Variants in RCOR1 observed in about 807,000 individuals in gnomAD.
The protein encoded by RCOR1 is REST corepressor 1, also known as REST corepressor.
Under a neutral mutation model 64.0 loss-of-function variants are expected in RCOR1, and 12 were observed. That is an observed-to-expected ratio of 0.19 (90% confidence interval 0.12 to 0.30). The LOEUF is 0.30. RCOR1 is among the 10% of genes least tolerant of loss of function. The probability of loss-of-function intolerance (pLI) is 1.00; values close to 1 mark genes in which losing one functional copy is unlikely to be tolerated. For synonymous variants in RCOR1, 279 were observed against 227.2 expected (o/e 1.23, Z -2.05); for missense variants, 502 against 621.2 (o/e 0.81, Z 2.04).
intron 4 of RCOR1, among the ~76,000 whole-genome samples, chr14:102,702,755 AGT>A (rs933018858): frequency 2.4e-4 from 37 of 152,320 alleles, no homozygotes; most frequent in African/African-American, 8.2e-4. Context: ...CCTGAGGAAG[AGT>A]GTGATTATGA....
chr14:102,665,311 CTTTTT>C (rs35214723), intron 2 of RCOR1, among the ~76,000 whole-genome samples: 1 of 132,032 alleles, frequency 7.6e-6, no homozygotes, highest in East Asian at 2.2e-4. Flanking sequence ...GGCCTCAACA[CTTTTT>C]TTTTTTTTTT....
chr14:102,673,380 A>T (rs1360029063), intron 2 of RCOR1, among the ~76,000 whole-genome samples: 1 of 144,924 alleles, frequency 6.9e-6, no homozygotes, highest in Non-Finnish European at 1.5e-5. Flanking sequence ...TCTGTGGCCC[A>T]GGCTGGAGTG....
chr14:102,722,500 A>G (rs1896185217), intron 11 of RCOR1, 84 bp downstream of exon 11: 2 of 1,164,824 alleles, frequency 1.7e-6, no homozygotes, highest in East Asian at 2.4e-5. Context: ...TTTTTCAGCT[A>G]TAGAGATTTT....
chr14:102,653,983 C>CTTTCTTTCTTTCT (rs1334055763), intron 2 of RCOR1, among the ~76,000 whole-genome samples: 28 of 33,164 alleles, frequency 8.4e-4, no homozygotes, highest in Non-Finnish European at 8.7e-4. Flanking sequence ...TTCTTTCTTT[C>CTTTCTTTCTTTCT]TTTTTTTTTT....
chr14:102,675,359 C>G (rs1455246286), intron 2 of RCOR1, among the ~76,000 whole-genome samples: 1 of 152,018 alleles, frequency 6.6e-6, no homozygotes, highest in Admixed American at 6.6e-5. Flanking sequence ...GCATACATAC[C>G]TATGATAAAG....
chr14:102,622,141 A>G (rs1893887370), intron 2 of RCOR1, among the ~76,000 whole-genome samples: 1 of 152,042 alleles, frequency 6.6e-6, no homozygotes, highest in Admixed American at 6.6e-5. Context: ...TAGAAACTCC[A>G]GAGGTAGGAC....
chr14:102,672,256 A>C (rs1895045507), intron 2 of RCOR1, among the ~76,000 whole-genome samples: 1 of 152,078 alleles, frequency 6.6e-6, no homozygotes, highest in South Asian at 2.1e-4. Context: ...TCTGTTGCCC[A>C]GTCTGGAGTG....
At chr14:102,612,664 ACTCCATCTGATCTCATTTG>A (rs1423207499) in intron 2 of RCOR1, among the ~76,000 whole-genome samples, 2 of 151,454 alleles carry the variant, frequency 1.3e-5, no homozygotes, top group Non-Finnish European at 2.9e-5. Context: ...CTGATGAAGT[ACTCCATCTGATCTCATTTG>A]CTCTTAGAAA....
At chr14:102,714,063 T>C (rs1403258329) in intron 7 of RCOR1, among the ~76,000 whole-genome samples, 3 of 152,256 alleles carry the variant, frequency 2.0e-5, no homozygotes, top group Non-Finnish European at 2.9e-5. Context: ...TGTAATTTCA[T>C]GTAGCTAAAT....
chr14:102,705,653 C>A (rs1001429275), intron 4 of RCOR1, among the ~76,000 whole-genome samples: 1 of 152,100 alleles, frequency 6.6e-6, no homozygotes, highest in Non-Finnish European at 1.5e-5. Flanking sequence ...GATTCATGGT[C>A]TTGCTAAGTT....
intron 2 of RCOR1, among the ~76,000 whole-genome samples, chr14:102,613,885 CTTTTTTTTTTTTTTT>C (rs71119719): frequency 1.8e-5 from 1 of 55,498 alleles, no homozygotes; most frequent in Admixed American, 2.6e-4. Flanking sequence ...ATTAACTATT[CTTTTTTTTTTTTTTT>C]TTTTTTTTTG....
intron 11 of RCOR1, among the ~76,000 whole-genome samples, chr14:102,724,587 C>T (rs539803820): frequency 3.9e-4 from 59 of 152,326 alleles, no homozygotes; most frequent in African/African-American, 1.4e-3. Context: ...CTCGCCTCTG[C>T]CTCCCAAAGT....
chr14:102,650,386 A>ATGGGTGGG (rs571574186), intron 2 of RCOR1, among the ~76,000 whole-genome samples: 9 of 23,464 alleles, frequency 3.8e-4, no homozygotes, highest in Non-Finnish European at 5.5e-4. Context: ...AAATGGATGG[A>ATGGGTGGG]TGGGTGGGTG....
At position 102,593,260 on chromosome 14, in the gene RCOR1, C is replaced by A; in HGVS notation, c.302-6C>A. 6.6e-7 allele frequency: 1 copy of A among 1,524,840 alleles called. No homozygotes were observed. The highest frequency in any genetic ancestry group is 2.7e-5 in the East Asian group (1 of 36,396). 94.5% of individuals were successfully genotyped at this position (1,524,840 alleles called of 1,614,324 possible). On this transcript the variant is annotated splice_region_variant and splice_polypyrimidine_tract_variant and intron_variant, in intron 1 of 11. Transcript: ENST00000262241. ...CGCTGACCGCCGTATTCTGCTTCCC[C>A]CGCAGGTGGCGGTGGCATGAGGGTC...
chr14:102,637,290 C>A (rs938165513), intron 2 of RCOR1, among the ~76,000 whole-genome samples: 5 of 151,670 alleles, frequency 3.3e-5, no homozygotes, highest in African/African-American at 9.7e-5. Flanking sequence ...CCATGCCCAG[C>A]TAATTTTTGT....
chr14:102,643,585 G>A (rs932712040), intron 2 of RCOR1, among the ~76,000 whole-genome samples: 1 of 152,154 alleles, frequency 6.6e-6, no homozygotes, highest in Admixed American at 6.6e-5. Flanking sequence ...AGGCCCAGGT[G>A]TGGTGTGGTT....
At chr14:102,598,393 CA>C (rs1325522331) in intron 2 of RCOR1, among the ~76,000 whole-genome samples, 2 of 151,156 alleles carry the variant, frequency 1.3e-5, no homozygotes, top group Non-Finnish European at 2.9e-5. Flanking sequence ...TCATGCCTTA[CA>C]AAGAGTGAAT....
intron 2 of RCOR1, among the ~76,000 whole-genome samples, chr14:102,594,034 A>G (rs996469366): frequency 6.6e-6 from 1 of 152,212 alleles, no homozygotes; most frequent in Non-Finnish European, 1.5e-5. Context: ...CTTTTCACCT[A>G]CAAGAAAGCC....
chr14:102,676,846 C>T (rs1428476249), intron 2 of RCOR1, among the ~76,000 whole-genome samples: 2 of 87,022 alleles, frequency 2.3e-5, no homozygotes, highest in Admixed American at 9.9e-5. Context: ...GGCGGCTGGC[C>T]GGGCGAGGGG....
Sources: allele counts gnomAD v4.1 joint callset (sites outside exome capture counted in the v4.1 genomes callset), GRCh38; gene constraint gnomAD v4.1.1; transcripts MANE v1.5; gene names NCBI Gene and HGNC (gene_info 2026-07-23, HGNC 2026-07-21).